The following STKLD1 variants were observed in gnomAD, a reference collection of about 807,000 sequenced individuals.
The protein encoded by STKLD1 is serine/threonine kinase-like domain-containing protein STKLD1.
Under a neutral mutation model 80.4 loss-of-function variants are expected in STKLD1, and 79 were observed. That is an observed-to-expected ratio of 0.98 (90% CI 0.82 to 1.19). The LOEUF (loss-of-function observed/expected upper bound fraction) is 1.19, where lower values mean the gene tolerates loss of function less well. Among genes scored for constraint, STKLD1 ranks in the 50% most tolerant of loss-of-function variants. The pLI is 0.00. For missense variants in STKLD1, 841 were observed against 856.0 expected (o/e 0.98, Z 0.22); for synonymous variants, 393 against 357.6 (o/e 1.10, Z -1.12).
rs368152109 is a variant in STKLD1 at position 133,397,079 on chromosome 9, C to T, written c.867-85C>T. On this transcript the variant is annotated intron_variant, in intron 9 of 17. Coordinates refer to ENST00000371957, the MANE Select transcript of STKLD1 (RefSeq NM_153710.5). ...CCAGTGTCCGCACCAATGGGCAGCC[C>T]GGAGCCAGAGGCAGAGGGAGAGCCC... The T allele has an allele frequency of 6.3e-4, 998 of 1,583,732 alleles. 1 individual carries two copies. The highest frequency in any genetic ancestry group is 9.0e-4 in the African/African-American group (67 of 74,578).
Position 133,389,359 on chromosome 9 carries a change from C to T in STKLD1, c.397-167C>T, listed in dbSNP as rs1165272158. On this transcript the variant is annotated intron_variant, in intron 5 of 17. Transcript: ENST00000371957. The surrounding 1 kb of genome is among the most constrained non-coding windows in gnomAD (Gnocchi z 6.4). ...CGCCGCGGCTTTACCATCTGGAGAG[C>T]CACCACGCTGAAGCCTCCTCCACCC... 1.0e-6 allele frequency: 1 copy of T among 985,340 alleles called. No homozygotes were observed. Among genetic ancestry groups the T allele is most frequent in the Non-Finnish European group, 1.2e-6 (1 of 829,914 alleles). The allele number at this position is 985,340 out of a possible 1,614,324, so 61.0% of individuals were successfully genotyped here.
intron 7 of STKLD1, among the ~76,000 whole-genome samples, chr9:133,393,659 G>A (rs1397665662): frequency 1.3e-5 from 2 of 150,324 alleles, no homozygotes; most frequent in Non-Finnish European, 3.0e-5. Flanking sequence ...GTGGGTGGGT[G>A]GATGGATGGA....
At chr9:133,379,977 C>T (rs1481053717) in intron 2 of STKLD1, among the ~76,000 whole-genome samples, 2 of 152,200 alleles carry the variant, frequency 1.3e-5, no homozygotes, top group Non-Finnish European at 2.9e-5. Context: ...GTGGGGTTGG[C>T]CCCCTTGTCT....
In STKLD1 at chr9:133,404,059, G is replaced by A; in HGVS notation, c.1732+11G>A. ...TGGTGAAGGTGTCAGGTGAGCCTGG[G>A]GACAGGACGAGGCTGCCACCTAGAG... On this transcript the variant is annotated intron_variant, in intron 16 of 17. Coordinates refer to ENST00000371957, the MANE Select transcript of STKLD1 (RefSeq NM_153710.5). The A allele has an allele frequency of 5.0e-6, 8 of 1,584,492 alleles. No individual in the cohort carries two copies. The highest frequency in any genetic ancestry group is 6.9e-6 in the Non-Finnish European group (8 of 1,167,044).
At position 133,390,784 on chromosome 9, in the gene STKLD1, C is replaced by G. The variant is rs370999988; in HGVS notation, c.571C>G (p.Arg191Gly). ...GACAGACAAAGCCAAATGGAATATTCGTGCGGAGGAAGGTGGCAGGGGCTC... is the reference window on the plus strand; with the variant it reads ...GACAGACAAAGCCAAATGGAATATTGGTGCGGAGGAAGGTGGCAGGGGCTC... ...LMTDKAKWNI[R>G]AEEDPFRKSW... Residue 191 changes from arginine to glycine, a missense_variant, in exon 7 of 18, where the codon CGT becomes GGT. By Grantham distance (125) the Arg-to-Gly change is moderately radical. Coordinates refer to ENST00000371957, the MANE Select transcript of STKLD1 (RefSeq NM_153710.5). The surrounding 1 kb of genome is among the most constrained non-coding windows in gnomAD (Gnocchi z 5.1). The G allele has an allele frequency of 1.2e-6, 2 of 1,613,396 alleles. No homozygotes were observed. Among genetic ancestry groups the G allele is most frequent in the African/African-American group, 2.7e-5 (2 of 74,886 alleles).
At chr9:133,377,657 C>CT (rs1838022154) in intron 1 of STKLD1, among the ~76,000 whole-genome samples, 1 of 151,436 alleles carries the variant, frequency 6.6e-6, no homozygotes, top group Non-Finnish European at 1.5e-5. Context: ...GAGCAAAACT[C>CT]TGTCTCAGAA....
chr9:133,400,351 C>T (rs894575258), intron 11 of STKLD1, 62 bp from the exon 12 acceptor site: 56 of 1,262,700 alleles, frequency 4.4e-5, no homozygotes, highest in Non-Finnish European at 5.5e-5. Context: ...GGGCCCTGGT[C>T]GGGTCTATAT....
At chr9:133,387,942 A>T in intron 5 of STKLD1, 1 of 438,274 alleles carries the variant, frequency 2.3e-6, no homozygotes, top group East Asian at 6.9e-5. Context: ...CCAGCAAATC[A>T]TGTGTTCATT....
chr9:133,405,125 G>A lies in STKLD1; in HGVS notation c.1874-127G>A, dbSNP rs896202532. The A allele has an allele frequency of 7.5e-6, 10 of 1,336,796 alleles. No individual in the cohort carries two copies. In the Admixed American group the frequency reaches 1.2e-4, roughly 16 times the overall value. The allele number at this position is 1,336,796 out of a possible 1,614,324, so 82.8% of individuals were successfully genotyped here. The stretch of plus-strand genomic sequence containing the variant: ...GCTGAGGGTGACGCTTGGGGCTCCG[G>A]AACTGCAAGGTGGCTCTGTGCATGC... On this transcript the variant is annotated intron_variant, in intron 17 of 17. Transcript: ENST00000371957.
In STKLD1 at chr9:133,390,195, AC is replaced by A. The variant is rs1249090384; in HGVS notation, c.468-485del. Among the ~76,000 whole-genome samples the A allele has an allele frequency of 7.7e-3, 2 of 260 alleles. No homozygotes were observed. The highest frequency in any genetic ancestry group is 0.05 in the Admixed American group (1 of 20). 0.2% of individuals were successfully genotyped at this position (260 alleles called of 152,430 possible). A position where few individuals can be genotyped will look rare whatever the true frequency, so the allele number is the denominator to read the frequency against. On this transcript the variant is annotated intron_variant, in intron 6 of 17. Coordinates refer to ENST00000371957, the MANE Select transcript of STKLD1 (RefSeq NM_153710.5). This position sits in a 1 kb window ranked among gnomAD's most constrained non-coding sequence, Gnocchi z 5.1. ...TCAGCCTGGGCAACCCTGACTTAAA[AC>A]ACACACACACACACACACACACACA...
At position 133,390,816 on chromosome 9, in the gene STKLD1, G is replaced by C. The variant is rs2130287535; in HGVS notation, c.583+20G>C. 6.3e-7 allele frequency: 1 copy of C among 1,594,282 alleles called. No individual in the cohort carries two copies. Among genetic ancestry groups the C allele is most frequent in the East Asian group, 2.2e-5 (1 of 44,784 alleles). ...AGGAAGGTGGCAGGGGCTCCCCCAG[G>C]TTGTGGGAGAGGGGGTTGGCGCCTA... On this transcript the variant is annotated intron_variant, in intron 7 of 17. Coordinates refer to ENST00000371957, the MANE Select transcript of STKLD1 (RefSeq NM_153710.5). The surrounding 1 kb of genome is among the most constrained non-coding windows in gnomAD (Gnocchi z 5.1).
At chr9:133,396,362 G>T (rs1215406611) in intron 9 of STKLD1, among the ~76,000 whole-genome samples, 1 of 152,214 alleles carries the variant, frequency 6.6e-6, no homozygotes, top group African/African-American at 2.4e-5. Flanking sequence ...TCGAGCCCGG[G>T]AGGCAGAGGT....
intron 2 of STKLD1, among the ~76,000 whole-genome samples, chr9:133,380,352 C>A (rs1028969932): frequency 1.3e-5 from 2 of 151,444 alleles, no homozygotes; most frequent in African/African-American, 4.8e-5. Context: ...GCCTGAGGAG[C>A]TTTTAAAAAT....
rs1195717074 is a variant in STKLD1 at position 133,390,195 on chromosome 9, ACACACACAC to A, written c.468-485_468-477del. Reference sequence around the variant, plus strand: ...TCAGCCTGGGCAACCCTGACTTAAAACACACACACACACACACACACACACACACACACA... The same window carrying A: ...TCAGCCTGGGCAACCCTGACTTAAAAACACACACACACACACACACACACA... On this transcript the variant is annotated intron_variant, in intron 6 of 17. Transcript: ENST00000371957. This position sits in a 1 kb window ranked among gnomAD's most constrained non-coding sequence, Gnocchi z 5.1. 3.8e-3 allele frequency among the ~76,000 whole-genome samples: 1 copy of A among 260 alleles called. No homozygotes were observed. Among genetic ancestry groups the A allele is most frequent in the Non-Finnish European group, 0.042 (1 of 24 alleles). 0.2% of individuals were successfully genotyped at this position (260 alleles called of 152,430 possible).
At chr9:133,401,156 T>TTC (rs1838695269) in intron 12 of STKLD1, among the ~76,000 whole-genome samples, 1 of 151,778 alleles carries the variant, frequency 6.6e-6, no homozygotes, top group Non-Finnish European at 1.5e-5. Context: ...TTTTTTTTTT[T>TTC]TTTGAGATGG....
rs2130275241 is a variant in STKLD1 at position 133,385,687 on chromosome 9, G to A, written c.290G>A (p.Gly97Glu). The change falls in exon 4 of 18, where the codon GGG becomes GAG. Residue 97 changes from glycine to glutamate, a missense_variant. Coordinates refer to ENST00000371957, the MANE Select transcript of STKLD1 (RefSeq NM_153710.5). This position sits in a 1 kb window ranked among gnomAD's most constrained non-coding sequence, Gnocchi z 4.9. ...VYQELFITWN[G>E]EISSLYLCLV... ...CAGGAGCTGTTCATCACGTGGAATG[G>A]GGAGGTGGGTCAGAGCTGACACCTA... 20 of 1,613,080 alleles carry A rather than the reference G, an allele frequency of 1.2e-5. No homozygotes were observed. Among genetic ancestry groups the A allele is most frequent in the Admixed American group, 8.3e-5 (5 of 60,030 alleles).
Position 133,389,210 on chromosome 9 carries a change from C to CT in STKLD1, c.397-316_397-315insT. ...CGCAAGGCCGATCTGCCTTCAGCTC[C>CT]CAGCAAGTGTGGGGCAGCGCGGGCC... is the stretch of plus-strand genomic sequence containing the variant. On this transcript the variant is annotated intron_variant, in intron 5 of 17. Coordinates refer to ENST00000371957, the MANE Select transcript of STKLD1 (RefSeq NM_153710.5). The surrounding 1 kb of genome is among the most constrained non-coding windows in gnomAD (Gnocchi z 6.4). The CT allele has an allele frequency of 1.0e-6, 1 of 985,380 alleles. No individual in the cohort carries two copies. Among genetic ancestry groups the CT allele is most frequent in the South Asian group, 4.7e-5 (1 of 21,284 alleles). The allele number at this position is 985,380 out of a possible 1,614,324, so 61.0% of individuals were successfully genotyped here.
At position 133,394,417 on chromosome 9, in the gene STKLD1, G is replaced by C; in HGVS notation, c.702+8G>C. 6.3e-7 allele frequency: 1 copy of C among 1,596,812 alleles called. No homozygotes were observed. Among genetic ancestry groups the C allele is most frequent in the Non-Finnish European group, 8.6e-7 (1 of 1,165,000 alleles). Reference sequence around the variant, plus strand: ...AGCTGCTCCTTCATGGATGTGAGCCGCCCTCCCTCCCCCACACCCCACATG... The same window carrying C: ...AGCTGCTCCTTCATGGATGTGAGCCCCCCTCCCTCCCCCACACCCCACATG... On this transcript the variant is annotated splice_region_variant and intron_variant, in intron 8 of 17. Transcript: ENST00000371957. The surrounding 1 kb of genome is among the most constrained non-coding windows in gnomAD (Gnocchi z 4.9).
intron 7 of STKLD1, among the ~76,000 whole-genome samples, chr9:133,392,795 GTGGA>G (rs1295910298): frequency 3.0e-5 from 3 of 98,526 alleles, no homozygotes; most frequent in Non-Finnish European, 4.0e-5. Context: ...GGGTGGGTGA[GTGGA>G]TGGATGGATG....
Sources: gnomAD v4.1 joint callset for allele counts (sites outside exome capture counted in the v4.1 genomes callset) on GRCh38, gnomAD v4.1.1 for gene constraint, Gnocchi (gnomAD v3.1) non-coding constraint, MANE v1.5 for transcripts, NCBI Gene and HGNC (gene_info 2026-07-23, HGNC 2026-07-21) for gene names.